MAGI1: variants seen among roughly 807,000 people sequenced by gnomAD.
MAGI1 encodes the protein membrane associated guanylate kinase, WW and PDZ domain containing 1.
Under a neutral mutation model 139.9 loss-of-function variants are expected in MAGI1, and 58 were observed. The ratio of observed to expected loss-of-function variants is 0.41; its 90% CI spans 0.34 to 0.52. The LOEUF is 0.52. Among genes scored for constraint, MAGI1 ranks in the 20% least tolerant of loss-of-function variants. The pLI, the probability that MAGI1 is intolerant of heterozygous loss-of-function variation, is 0.12. For synonymous variants in MAGI1, 812 were observed against 737.9 expected, an observed-to-expected ratio of 1.10 and a Z score of -1.63; for missense variants, 1,874 against 1,901.6, an observed-to-expected ratio of 0.99 and a Z score of 0.27.
chr3:65,886,944 A>G (rs898764308), intron 1 of MAGI1, among the ~76,000 whole-genome samples: 7 of 152,210 alleles, frequency 4.6e-5, no homozygotes, highest in Admixed American at 2.0e-4. Flanking sequence ...ACATTTCAGA[A>G]TGGGTATACA....
rs1559983664 is a variant in MAGI1 at position 65,891,898 on chromosome 3, A to ATATG, written c.313+146097_313+146098insCATA. ...AACTTAAAGTATAATATATATATAT[A>ATATG]TATATATATATATATATATATATAT... is the stretch of plus-strand genomic sequence containing the variant. On this transcript the variant is annotated intron_variant, in intron 1 of 22. Coordinates refer to ENST00000402939, the MANE Select transcript of MAGI1 (RefSeq NM_001033057.2). 9.6e-3 allele frequency among the ~76,000 whole-genome samples: 264 copies of ATATG among 27,598 alleles called. 3 individuals carry two copies. Among genetic ancestry groups the ATATG allele is most frequent in the Non-Finnish European group, 0.015 (221 of 14,980 alleles). The allele number at this position is 27,598 out of a possible 152,430, so 18.1% of individuals were successfully genotyped here.
chr3:65,397,364 G>A (rs13327818), intron 13 of MAGI1, among the ~76,000 whole-genome samples: 1,863 of 152,216 alleles, frequency 0.012, 33 homozygotes, highest in African/African-American at 0.043. Flanking sequence ...AGGGGAAAGG[G>A]ACAGAGAGGA....
intron 1 of MAGI1, among the ~76,000 whole-genome samples, chr3:65,737,866 A>ACACACACACACCTCTCTC (rs1254326516): frequency 6.6e-6 from 1 of 152,026 alleles, no homozygotes; most frequent in African/African-American, 2.4e-5. Context: ...ACCGAAAACA[A>ACACACACACACCTCTCTC]CACACACACA....
chr3:65,653,589 T>C (rs899980329), intron 1 of MAGI1, among the ~76,000 whole-genome samples: 1 of 152,210 alleles, frequency 6.6e-6, no homozygotes, highest in Admixed American at 6.6e-5. Flanking sequence ...GAATCATTGA[T>C]AGCACAAATT....
At chr3:65,476,065 C>T (rs1178800100) in intron 4 of MAGI1, among the ~76,000 whole-genome samples, 2 of 151,938 alleles carry the variant, frequency 1.3e-5, no homozygotes, top group African/African-American at 2.4e-5. Context: ...ACTTTACGTG[C>T]AAACTGGCTG....
chr3:65,429,925 T>A lies in MAGI1; in HGVS notation c.1762A>T (p.Thr588Ser). The change falls in exon 12 of 23, where the codon ACC becomes TCC. Residue 588 changes from threonine to serine, a missense_variant. Thr to Ser is a moderately conservative substitution (Grantham distance 58). This residue lies in a region of MAGI1 where 482 missense variants were observed against 509.6 expected (regional missense o/e 0.95). Coordinates refer to ENST00000402939, the MANE Select transcript of MAGI1 (RefSeq NM_001033057.2). ...CTGTGGCTAGCTGGTGAATCATAGG[T>A]CTCTTGCCCATTCACAATAATTGGT... ...KEPIIVNGQE[T>S]YDSPASHSSK... 1 of 1,614,018 alleles carries A rather than the reference T, an allele frequency of 6.2e-7. No homozygotes were observed. Among genetic ancestry groups the A allele is most frequent in the Non-Finnish European group, 8.5e-7 (1 of 1,179,966 alleles).
rs565442292 is a variant in MAGI1, at chr3:65,910,526, T to C, written c.313+127470A>G. ...GTTTACATACTAATCGAAGTGGTTGTTGGGGCAGCACCATGCCAAACACTG... is the reference window on the plus strand; with the variant it reads ...GTTTACATACTAATCGAAGTGGTTGCTGGGGCAGCACCATGCCAAACACTG... On this transcript the variant is annotated intron_variant, in intron 1 of 22. Coordinates refer to ENST00000402939, the MANE Select transcript of MAGI1 (RefSeq NM_001033057.2). 7.2e-5 allele frequency among the ~76,000 whole-genome samples: 11 copies of C among 152,252 alleles called. No individual in the cohort carries two copies. The East Asian group carries it at 1.2e-3, about 16-fold the overall frequency.
At chr3:66,024,988 G>T (rs150079202) in intron 1 of MAGI1, among the ~76,000 whole-genome samples, 1 of 152,154 alleles carries the variant, frequency 6.6e-6, no homozygotes, top group African/African-American at 2.4e-5. Context: ...AAATGATGAT[G>T]GATACCAAAA....
intron 12 of MAGI1, among the ~76,000 whole-genome samples, chr3:65,426,000 G>C (rs1340981215): frequency 6.6e-6 from 1 of 152,184 alleles, no homozygotes; most frequent in Non-Finnish European, 1.5e-5. Flanking sequence ...TCTGAATGCA[G>C]ATGCTATGTT....
At chr3:65,453,004 TGA>T (rs1405573023) in intron 6 of MAGI1, 1 of 405,332 alleles carries the variant, frequency 2.5e-6, no homozygotes, top group African/African-American at 2.0e-5. Flanking sequence ...TATCTTCATT[TGA>T]ACAGTTTCTG....
intron 1 of MAGI1, among the ~76,000 whole-genome samples, chr3:65,744,370 C>G (rs2035520032): frequency 6.6e-6 from 1 of 152,176 alleles, no homozygotes; most frequent in South Asian, 2.1e-4. Flanking sequence ...GCTTCTACCT[C>G]CCTCCGAGGG....
chr3:65,937,051 CTGA>C (rs749281980), intron 1 of MAGI1, among the ~76,000 whole-genome samples: 2 of 151,904 alleles, frequency 1.3e-5, no homozygotes, highest in Non-Finnish European at 2.9e-5. Context: ...GTATCTCCTC[CTGA>C]TGATTAACAA....
intron 1 of MAGI1, among the ~76,000 whole-genome samples, chr3:65,845,260 AAAG>A (rs1290543700): frequency 3.7e-4 from 56 of 152,006 alleles, no homozygotes; most frequent in African/African-American, 1.3e-3. Context: ...TCAAAAAAAA[AAAG>A]AGAAGAGAAG....
At chr3:65,542,939 G>T (rs975614683) in intron 2 of MAGI1, among the ~76,000 whole-genome samples, 2 of 152,058 alleles carry the variant, frequency 1.3e-5, no homozygotes, top group African/African-American at 2.4e-5. Context: ...CTCAGCAAAA[G>T]AAACTACCAT....
At chr3:65,562,675 C>T (rs935876996) in intron 2 of MAGI1, among the ~76,000 whole-genome samples, 1 of 152,142 alleles carries the variant, frequency 6.6e-6, no homozygotes, top group African/African-American at 2.4e-5. Context: ...CTTGAAAGAA[C>T]ACAATATGGT....
intron 1 of MAGI1, among the ~76,000 whole-genome samples, chr3:65,780,019 T>G (rs1326601605): frequency 7.3e-6 from 1 of 136,896 alleles, no homozygotes; most frequent in African/African-American, 2.7e-5. Context: ...GCTATCAATT[T>G]TTTGGGGGGG....
chr3:65,738,727 G>A (rs1192390601), intron 1 of MAGI1, among the ~76,000 whole-genome samples: 2 of 152,196 alleles, frequency 1.3e-5, no homozygotes, highest in South Asian at 2.1e-4. Flanking sequence ...GGGTGACCAG[G>A]TGCCTTGTCG....
At chr3:65,466,628 A>G (rs1472314696) in intron 5 of MAGI1, among the ~76,000 whole-genome samples, 3 of 152,168 alleles carry the variant, frequency 2.0e-5, no homozygotes, top group Non-Finnish European at 4.4e-5. Context: ...GGATGGGGGT[A>G]AAAATCCTGA....
intron 1 of MAGI1, among the ~76,000 whole-genome samples, chr3:65,966,908 A>C (rs553370285): frequency 1.3e-5 from 2 of 152,330 alleles, no homozygotes; most frequent in South Asian, 4.1e-4. Context: ...TTCATATACC[A>C]AATGGTTAAT....
Sources: allele counts gnomAD v4.1 joint callset (sites outside exome capture counted in the v4.1 genomes callset), GRCh38; gene constraint gnomAD v4.1.1; regional missense constraint gnomAD v4.1.1; transcripts MANE v1.5; gene names NCBI Gene and HGNC (gene_info 2026-07-23, HGNC 2026-07-21).